The following CUX1 variants were observed in gnomAD, a reference collection of about 807,000 sequenced individuals.
CUX1 encodes cut like homeobox 1, also known as protein CASP.
Under a neutral mutation model 158.8 loss-of-function variants are expected in CUX1, and 31 were observed. The ratio of observed to expected loss-of-function variants is 0.20; its 90% CI spans 0.15 to 0.26. The LOEUF (loss-of-function observed/expected upper bound fraction) is 0.26, where lower values mean the gene tolerates loss of function less well. CUX1 is among the 10% of genes least tolerant of loss of function. The probability of loss-of-function intolerance (pLI) is 1.00; values close to 1 mark genes in which losing one functional copy is unlikely to be tolerated. For missense variants in CUX1, 1,589 were observed against 2,014.6 expected, an observed-to-expected ratio of 0.79 and a Z score of 4.04; for synonymous variants, 879 against 862.1, an observed-to-expected ratio of 1.02 and a Z score of -0.34.
intron 10 of CUX1, among the ~76,000 whole-genome samples, chr7:102,175,455 A>G (rs1364349047): frequency 2.0e-5 from 3 of 152,030 alleles, no homozygotes; most frequent in South Asian, 2.1e-4. Flanking sequence ...CACTTCTGCC[A>G]TGTCCCCTCC....
At chr7:102,226,141 C>G (rs534654821) in intron 20 of CUX1, among the ~76,000 whole-genome samples, 42 of 152,330 alleles carry the variant, frequency 2.8e-4, no homozygotes, top group African/African-American at 8.7e-4. Flanking sequence ...GGATCACTCA[C>G]CAACAGAGCC....
At chr7:101,984,519 G>A (rs766983030) in intron 2 of CUX1, among the ~76,000 whole-genome samples, 21 of 144,604 alleles carry the variant, frequency 1.5e-4, no homozygotes, top group Middle Eastern at 3.6e-3. Context: ...AAAAAAAAGT[G>A]CTTGCAGTGA....
intron 2 of CUX1, among the ~76,000 whole-genome samples, chr7:101,965,665 G>A (rs1163882699): frequency 1.3e-5 from 2 of 152,086 alleles, no homozygotes; most frequent in Admixed American, 6.6e-5. Flanking sequence ...GGCTAACACA[G>A]TGAAACCCTG....
intron 3 of CUX1, among the ~76,000 whole-genome samples, chr7:102,048,991 A>G (rs1823163237): frequency 6.6e-6 from 1 of 151,988 alleles, no homozygotes. Context: ...TGAGCCTTCT[A>G]AGTCCAGCCA....
chr7:101,875,829 C>CTT (rs1007318827), intron 1 of CUX1, among the ~76,000 whole-genome samples: 4 of 147,222 alleles, frequency 2.7e-5, no homozygotes, highest in East Asian at 3.9e-4. Flanking sequence ...ATTTAGCACT[C>CTT]TTTTTTTTTT....
chr7:102,028,563 G>C (rs1820331405), intron 3 of CUX1, among the ~76,000 whole-genome samples: 1 of 152,208 alleles, frequency 6.6e-6, no homozygotes, highest in Non-Finnish European at 1.5e-5. Context: ...GGGGCACAGG[G>C]AGGCCACTTG....
intron 4 of CUX1, among the ~76,000 whole-genome samples, chr7:102,077,978 TTATTAATG>T (rs1826960390): frequency 6.6e-6 from 1 of 152,218 alleles, no homozygotes; most frequent in Admixed American, 6.5e-5. Flanking sequence ...TGAATAGGCC[TTATTAATG>T]TATTGCAGAT....
At chr7:101,988,707 C>T (rs527906232) in intron 2 of CUX1, among the ~76,000 whole-genome samples, 2 of 152,126 alleles carry the variant, frequency 1.3e-5, no homozygotes, top group Admixed American at 6.5e-5. Flanking sequence ...AGTCCTGCGT[C>T]GGGATACCAG....
chr7:102,118,739 T>TTTA (rs1554492565), intron 8 of CUX1, among the ~76,000 whole-genome samples: 1 of 151,804 alleles, frequency 6.6e-6, no homozygotes, highest in Non-Finnish European at 1.5e-5. Context: ...CTGGGTGGTT[T>TTTA]TTGTTGTTGT....
intron 9 of CUX1, among the ~76,000 whole-genome samples, chr7:102,169,131 C>A (rs1056815386): frequency 8.6e-5 from 13 of 151,768 alleles, no homozygotes; most frequent in Admixed American, 7.2e-4. Flanking sequence ...CGAGGTTTCT[C>A]CACGTTGGTC....
intron 2 of CUX1, among the ~76,000 whole-genome samples, chr7:101,936,976 A>G (rs977280198): frequency 1.9e-4 from 29 of 152,062 alleles, no homozygotes; most frequent in African/African-American, 6.3e-4. Flanking sequence ...ACTTAGTGAG[A>G]CACAGTCACC....
intron 20 of CUX1, among the ~76,000 whole-genome samples, chr7:102,209,146 A>T (rs1198701260): frequency 6.6e-6 from 1 of 151,996 alleles, no homozygotes; most frequent in African/African-American, 2.4e-5. Context: ...TCTTTTCCTC[A>T]CTGAGAGCTC....
At chr7:101,895,772 C>T (rs1429670703) in intron 1 of CUX1, among the ~76,000 whole-genome samples, 4 of 151,790 alleles carry the variant, frequency 2.6e-5, no homozygotes, top group East Asian at 1.9e-4. Flanking sequence ...GAGTTTTCAG[C>T]GAGGCAGGGA....
At chr7:101,912,500 T>C (rs1487926445) in intron 1 of CUX1, among the ~76,000 whole-genome samples, 2 of 152,000 alleles carry the variant, frequency 1.3e-5, no homozygotes, top group Non-Finnish European at 2.9e-5. Flanking sequence ...TAAAAATTAA[T>C]AGTTAGTGCA....
intron 7 of CUX1, among the ~76,000 whole-genome samples, chr7:102,114,618 C>T (rs1831257164): frequency 6.6e-6 from 1 of 152,202 alleles, no homozygotes; most frequent in African/African-American, 2.4e-5. Flanking sequence ...TGGCCCACAC[C>T]TGTAATCCCA....
intron 1 of CUX1, among the ~76,000 whole-genome samples, chr7:101,867,156 G>A (rs1363812064): frequency 6.6e-6 from 1 of 152,202 alleles, no homozygotes; most frequent in East Asian, 1.9e-4. Flanking sequence ...GGCGGAGGCT[G>A]CAGTGAGCTG....
chr7:102,130,506 C>T (rs1554496804), intron 8 of CUX1, among the ~76,000 whole-genome samples: 1 of 151,990 alleles, frequency 6.6e-6, no homozygotes, highest in African/African-American at 2.4e-5. Flanking sequence ...CATAGCAAAA[C>T]CCCATCTCTA....
At chr7:102,206,082 T>TGCCGCAAGCTC (rs1373742701) in intron 20 of CUX1, among the ~76,000 whole-genome samples, 1 of 152,154 alleles carries the variant, frequency 6.6e-6, no homozygotes, top group African/African-American at 2.4e-5. Flanking sequence ...CCCGCCAGCT[T>TGCCGCAAGCTC]GCCGCAAGCT....
rs558811563 is a variant in CUX1 at position 101,908,421 on chromosome 7, C to T, written c.31-7694C>T. 2.9e-4 allele frequency among the ~76,000 whole-genome samples: 44 copies of T among 152,250 alleles called. 1 individual carries two copies. The South Asian group carries it at 9.1e-3, about 32-fold the overall frequency. On this transcript the variant is annotated intron_variant, in intron 1 of 23. Coordinates refer to ENST00000292535, the MANE Select transcript of CUX1 (RefSeq NM_181552.4). ...TCGGCCTCCCAAAGTGCTGGGATTA[C>T]GGGCGTGAACCACTGCGCCCAGCCT...
Sources: gnomAD v4.1 joint callset for allele counts (sites outside exome capture counted in the v4.1 genomes callset) on GRCh38, gnomAD v4.1.1 for gene constraint, MANE v1.5 for transcripts, NCBI Gene and HGNC (gene_info 2026-07-23, HGNC 2026-07-21) for gene names.